The following TENM2 variants were observed in gnomAD, a reference collection of about 807,000 sequenced individuals.
TENM2 encodes teneurin-2.
In TENM2, 52 loss-of-function variants were observed where a neutral mutation model predicts 245.2. The ratio of observed to expected loss-of-function variants is 0.21; its 90% CI spans 0.17 to 0.27. The LOEUF (loss-of-function observed/expected upper bound fraction) is 0.27. TENM2 is among the 10% of genes least tolerant of loss of function. TENM2 has a pLI of 1.00. For synonymous variants in TENM2, 1,363 were observed against 1,438.9 expected (o/e 0.95, Z 1.19); for missense variants, 3,046 against 3,666.8 (o/e 0.83, Z 4.37).
At chr5:167,868,256 T>TC (rs1772502320) in intron 2 of TENM2, among the ~76,000 whole-genome samples, 2 of 152,030 alleles carry the variant, frequency 1.3e-5, no homozygotes, top group South Asian at 4.1e-4. Flanking sequence ...TTGCCAAATC[T>TC]CCCCTAGGGA....
intron 2 of TENM2, among the ~76,000 whole-genome samples, chr5:167,757,255 C>A (rs117216528): frequency 0.014 from 2,196 of 151,734 alleles, 44 homozygotes; most frequent in East Asian, 0.1. Context: ...TCCCACCCCC[C>A]AACAGGCCCC....
intron 2 of TENM2, among the ~76,000 whole-genome samples, chr5:167,740,054 G>T (rs1456118831): frequency 6.6e-6 from 1 of 152,196 alleles, no homozygotes; most frequent in Non-Finnish European, 1.5e-5. Flanking sequence ...AGTGAGTGGT[G>T]CTGGTCTAGG....
At chr5:167,705,411 C>A (rs1019800034) in intron 2 of TENM2, among the ~76,000 whole-genome samples, 1 of 152,160 alleles carries the variant, frequency 6.6e-6, no homozygotes, top group African/African-American at 2.4e-5. Context: ...CACCCACACA[C>A]CCTGCCCAGC....
At chr5:167,348,615 A>G (rs1396477607) in intron 1 of TENM2, among the ~76,000 whole-genome samples, 1 of 152,200 alleles carries the variant, frequency 6.6e-6, no homozygotes, top group Non-Finnish European at 1.5e-5. Flanking sequence ...TCAAGATGGA[A>G]AAGTATTCCG....
At chr5:168,035,683 A>G (rs867590174) in intron 5 of TENM2, among the ~76,000 whole-genome samples, 18 of 152,082 alleles carry the variant, frequency 1.2e-4, no homozygotes, top group South Asian at 2.1e-4. Flanking sequence ...AGCTTAAAGG[A>G]TCTGAGGGCA....
the TENM2 span, among the ~76,000 whole-genome samples, chr5:167,117,489 C>A: frequency 4.0e-5 from 6 of 151,730 alleles, no homozygotes; most frequent in African/African-American, 1.5e-4. Flanking sequence ...GGCGACAGAG[C>A]GAGACTCCAT....
At chr5:167,565,225 G>T (rs1773836687) in intron 2 of TENM2, among the ~76,000 whole-genome samples, 1 of 152,248 alleles carries the variant, frequency 6.6e-6, no homozygotes, top group African/African-American at 2.4e-5. Flanking sequence ...TATTATGCGT[G>T]AGATGATGTC....
chr5:167,796,782 A>G (rs1765353701), intron 2 of TENM2, among the ~76,000 whole-genome samples: 1 of 152,044 alleles, frequency 6.6e-6, no homozygotes, highest in Non-Finnish European at 1.5e-5. Flanking sequence ...AAAGTCGCAC[A>G]TCCTTTGGGA....
At chr5:167,565,227 G>A (rs1773836972) in intron 2 of TENM2, among the ~76,000 whole-genome samples, 1 of 152,224 alleles carries the variant, frequency 6.6e-6, no homozygotes, top group Non-Finnish European at 1.5e-5. Context: ...TTATGCGTGA[G>A]ATGATGTCAT....
At chr5:167,600,202 C>T (rs1561588950) in intron 2 of TENM2, among the ~76,000 whole-genome samples, 1 of 151,410 alleles carries the variant, frequency 6.6e-6, no homozygotes, top group African/African-American at 2.4e-5. Context: ...TATGTTCTCC[C>T]TAATGGTATG....
At chr5:167,037,518 C>T in the TENM2 span, among the ~76,000 whole-genome samples, 10 of 152,184 alleles carry the variant, frequency 6.6e-5, no homozygotes, top group Admixed American at 6.5e-4. Flanking sequence ...TCGTTGCTGG[C>T]TATTTTCACT....
At chr5:167,281,769 C>G (rs902885595), upstream of TENM2, among the ~76,000 whole-genome samples, 4 of 152,034 alleles carry the variant, frequency 2.6e-5, no homozygotes, top group African/African-American at 9.7e-5. Flanking sequence ...GAGGCCGAGG[C>G]GAGCAGATCA....
chr5:167,539,187 G>A (rs1772039401), intron 2 of TENM2, among the ~76,000 whole-genome samples: 1 of 152,056 alleles, frequency 6.6e-6, no homozygotes, highest in Non-Finnish European at 1.5e-5. Flanking sequence ...TATTCTTTCA[G>A]AACCAAGTAT....
the TENM2 span, among the ~76,000 whole-genome samples, chr5:167,104,161 C>A: frequency 6.6e-6 from 1 of 151,758 alleles, no homozygotes; most frequent in African/African-American, 2.4e-5. Context: ...AGATTATAAG[C>A]CCTTTGAAGG....
the TENM2 span, among the ~76,000 whole-genome samples, chr5:167,248,010 CA>C: frequency 6.6e-6 from 1 of 152,032 alleles, no homozygotes; most frequent in Non-Finnish European, 1.5e-5. Flanking sequence ...ATGACAGATA[CA>C]AAAAGTTGGC....
At chr5:167,426,055 G>C (rs1041271602) in intron 2 of TENM2, among the ~76,000 whole-genome samples, 2 of 151,938 alleles carry the variant, frequency 1.3e-5, no homozygotes, top group Non-Finnish European at 2.9e-5. Context: ...TTTGTTACTG[G>C]GAATGAAATC....
At chr5:167,392,297 G>A (rs1236724108) in intron 2 of TENM2, among the ~76,000 whole-genome samples, 2 of 152,176 alleles carry the variant, frequency 1.3e-5, no homozygotes, top group Non-Finnish European at 2.9e-5. Flanking sequence ...ACCGTAGGAT[G>A]TCCACGTAGC....
chr5:167,858,798 G>T (rs908921747), intron 2 of TENM2, among the ~76,000 whole-genome samples: 2 of 149,832 alleles, frequency 1.3e-5, no homozygotes, highest in African/African-American at 4.9e-5. Flanking sequence ...AGTCTTTGCC[G>T]CCGCGCCGGC....
chr5:168,261,449 G>A (rs1768180507), intron 28 of TENM2, among the ~76,000 whole-genome samples: 1 of 152,228 alleles, frequency 6.6e-6, no homozygotes. Context: ...CTCTGACTCA[G>A]TAGTTCTGGA....
Sources: gnomAD v4.1 joint callset for allele counts (sites outside exome capture counted in the v4.1 genomes callset) on GRCh38, gnomAD v4.1.1 for gene constraint, MANE v1.5 for transcripts, NCBI Gene and HGNC (gene_info 2026-07-23, HGNC 2026-07-21) for gene names.